The following ANK3 variants were observed in gnomAD, a reference collection of about 807,000 sequenced individuals.
ANK3 encodes ankyrin-3.
ANK3 carries 57 observed loss-of-function variants against 370.9 expected under a neutral mutation model. The ratio of observed to expected loss-of-function variants is 0.15; its 90% CI spans 0.12 to 0.19. The LOEUF is 0.19. Ranked by LOEUF, ANK3 falls within the 10% of genes least tolerant of loss-of-function variation. The probability of loss-of-function intolerance (pLI) is 1.00; values close to 1 mark genes in which losing one functional copy is unlikely to be tolerated. For missense variants in ANK3, 4,439 were observed against 5,302.1 expected (o/e 0.84, Z 5.06); for synonymous variants, 1,929 against 1,946.3 (o/e 0.99, Z 0.23).
At chr10:60,188,425 T>C (rs75996026) in intron 16 of ANK3, among the ~76,000 whole-genome samples, 2,617 of 152,256 alleles carry the variant, frequency 0.017, 135 homozygotes, top group East Asian at 0.17. Context: ...TCAGAATGAT[T>C]TTTTTCCATA....
chr10:60,385,060 G>GCT (rs1163604262), intron 1 of ANK3, among the ~76,000 whole-genome samples: 3 of 152,152 alleles, frequency 2.0e-5, no homozygotes, highest in Admixed American at 2.0e-4. Context: ...ACCCCATAAA[G>GCT]CTATTCACAG....
rs546705921 is a variant in ANK3, at chr10:60,505,383, C to CATTTGCCT, written c.96+109795_96+109802dup. Among the ~76,000 whole-genome samples the CATTTGCCT allele has an allele frequency of 3.5e-4, 54 of 152,138 alleles. No homozygotes were observed. In the South Asian group the frequency reaches 0.011, roughly 31 times the overall value. ...GCAGACTAAAAAAATTCACTCATCTCATTTGCCTAATATTTTATATTAAAC... is the reference window on the plus strand; with the variant it reads ...GCAGACTAAAAAAATTCACTCATCTCATTTGCCTATTTGCCTAATATTTTATATTAAAC... On this transcript the variant is annotated intron_variant, in intron 2 of 43. Transcript: ENST00000373827.
intron 13 of ANK3, among the ~76,000 whole-genome samples, chr10:60,199,696 G>GA (rs35673624): frequency 5.7e-4 from 82 of 143,936 alleles, no homozygotes; most frequent in Middle Eastern, 7.2e-3. Context: ...AGCTTGTGTA[G>GA]AAAAAAAAAA....
At chr10:60,233,417 G>C (rs2097278510) in intron 8 of ANK3, among the ~76,000 whole-genome samples, 1 of 152,020 alleles carries the variant, frequency 6.6e-6, no homozygotes, top group Admixed American at 6.6e-5. Flanking sequence ...CATATTTGTG[G>C]GTTTTTATAA....
chr10:60,542,323 C>T (rs2076868430), intron 2 of ANK3, among the ~76,000 whole-genome samples: 1 of 151,890 alleles, frequency 6.6e-6, no homozygotes, highest in Non-Finnish European at 1.5e-5. Flanking sequence ...ATTTACCCCA[C>T]ATCCAACCTT....
At chr10:60,519,084 C>T (rs12146207) in intron 2 of ANK3, among the ~76,000 whole-genome samples, 57,426 of 152,008 alleles carry the variant, frequency 0.38, 11,258 homozygotes, top group Middle Eastern at 0.42. Context: ...CCTTGCTTCC[C>T]TCCTTGCTGT....
chr10:60,652,313 G>A (rs548003353), intron 1 of ANK3, among the ~76,000 whole-genome samples: 4 of 152,058 alleles, frequency 2.6e-5, no homozygotes, highest in African/African-American at 4.8e-5. Flanking sequence ...GAGCTAGGAC[G>A]ATCACTTAAG....
chr10:60,271,631 A>T (rs917459215), intron 4 of ANK3, among the ~76,000 whole-genome samples: 3 of 152,298 alleles, frequency 2.0e-5, no homozygotes, highest in Admixed American at 2.0e-4. Flanking sequence ...CTACAATGTT[A>T]CCAAATATTC....
At chr10:60,562,789 A>G (rs560263827) in intron 2 of ANK3, among the ~76,000 whole-genome samples, 2 of 152,106 alleles carry the variant, frequency 1.3e-5, no homozygotes, top group African/African-American at 4.8e-5. Flanking sequence ...TTAAAAACTT[A>G]AAAAAAATTA....
intron 2 of ANK3, among the ~76,000 whole-genome samples, chr10:60,544,095 G>T (rs1321596335): frequency 6.6e-6 from 1 of 152,092 alleles, no homozygotes; most frequent in East Asian, 1.9e-4. Flanking sequence ...CTGGTATGTT[G>T]TATGCTCAGA....
chr10:60,058,691 T>C (rs2079701445), intron 41 of ANK3, among the ~76,000 whole-genome samples: 1 of 152,238 alleles, frequency 6.6e-6, no homozygotes, highest in African/African-American at 2.4e-5. Flanking sequence ...AGCATATTTA[T>C]GTTTGCAGTT....
chr10:60,535,117 A>G (rs1011280185), intron 2 of ANK3, among the ~76,000 whole-genome samples: 7 of 152,160 alleles, frequency 4.6e-5, no homozygotes, highest in African/African-American at 1.4e-4. Context: ...CAGCATTGCC[A>G]CTAGCAATAC....
At chr10:60,479,688 C>T (rs1042466772) in intron 2 of ANK3, among the ~76,000 whole-genome samples, 1 of 151,918 alleles carries the variant, frequency 6.6e-6, no homozygotes, top group Non-Finnish European at 1.5e-5. Context: ...GGAGACACTC[C>T]TATCTTAGAT....
chr10:60,733,139 C>T, intron 1 of ANK3: 1 of 811,848 alleles, frequency 1.2e-6, no homozygotes, highest in South Asian at 6.3e-5. Flanking sequence ...CCTCGCGGCG[C>T]CGCCTGGCAC....
intron 2 of ANK3, among the ~76,000 whole-genome samples, chr10:60,397,549 G>C (rs965666266): frequency 2.6e-5 from 4 of 152,164 alleles, no homozygotes; most frequent in African/African-American, 9.7e-5. Flanking sequence ...ACATCATCTT[G>C]TTGGGGAGAC....
At chr10:60,177,120 T>C (rs1024645296) in intron 18 of ANK3, among the ~76,000 whole-genome samples, 6 of 152,142 alleles carry the variant, frequency 3.9e-5, no homozygotes, top group African/African-American at 1.4e-4. Context: ...ACCTTGACAG[T>C]TTTTCATAAT....
chr10:60,560,754 T>A (rs2077317432), intron 2 of ANK3, among the ~76,000 whole-genome samples: 1 of 152,194 alleles, frequency 6.6e-6, no homozygotes, highest in South Asian at 2.1e-4. Flanking sequence ...TGAGAACCCA[T>A]AAAATCACAA....
intron 1 of ANK3, among the ~76,000 whole-genome samples, chr10:60,662,791 G>A (rs981619469): frequency 2.0e-5 from 3 of 152,068 alleles, no homozygotes; most frequent in African/African-American, 7.2e-5. Context: ...GCATGTCGTT[G>A]GTGCTCAAAA....
chr10:60,341,678 T>C (rs970867540), intron 1 of ANK3, among the ~76,000 whole-genome samples: 3 of 152,160 alleles, frequency 2.0e-5, no homozygotes, highest in African/African-American at 7.2e-5. Context: ...TGGTTCCTTT[T>C]TGTGTTCTGT....
Sources: gnomAD v4.1 joint callset for allele counts (sites outside exome capture counted in the v4.1 genomes callset) on GRCh38, gnomAD v4.1.1 for gene constraint, MANE v1.5 for transcripts, NCBI Gene and HGNC (gene_info 2026-07-23, HGNC 2026-07-21) for gene names.